PPCDC: variants seen among roughly 807,000 people sequenced by gnomAD.
PPCDC encodes the protein phosphopantothenoylcysteine decarboxylase.
PPCDC carries 20 observed loss-of-function variants against 20.7 expected under a neutral mutation model. That is an observed-to-expected ratio of 0.97 (90% CI 0.68 to 1.41). The LOEUF is 1.41. Among genes scored for constraint, PPCDC ranks in the 40% most tolerant of loss-of-function variants. The pLI, the probability that PPCDC is intolerant of heterozygous loss-of-function variation, is 0.00. For missense variants in PPCDC, 246 were observed against 263.8 expected (o/e 0.93, Z 0.47); for synonymous variants, 88 against 100.3 (o/e 0.88, Z 0.73).
intron 2 of PPCDC, among the ~76,000 whole-genome samples, chr15:75,032,352 G>A (rs540068199): frequency 6.6e-6 from 1 of 152,300 alleles, no homozygotes; most frequent in East Asian, 1.9e-4. Context: ...TCTGTCGAGG[G>A]TGAGGAAAAG....
At chr15:75,042,479 C>T (rs1211851530) in intron 2 of PPCDC, among the ~76,000 whole-genome samples, 1 of 151,904 alleles carries the variant, frequency 6.6e-6, no homozygotes, top group Non-Finnish European at 1.5e-5. Flanking sequence ...GGTGAAAAAC[C>T]TCGTCTCTAC....
intron 2 of PPCDC, among the ~76,000 whole-genome samples, chr15:75,035,260 C>T (rs1477388157): frequency 6.6e-6 from 1 of 152,102 alleles, no homozygotes; most frequent in East Asian, 1.9e-4. Flanking sequence ...TTTTGGTTGT[C>T]CTAACTTAGG....
intron 2 of PPCDC, among the ~76,000 whole-genome samples, chr15:75,028,742 C>T (rs761467061): frequency 2.0e-5 from 3 of 152,048 alleles, no homozygotes; most frequent in Non-Finnish European, 2.9e-5. Flanking sequence ...CCTGAGAATC[C>T]GTGAAGTCCT....
chr15:75,047,309 G>C lies in PPCDC; in HGVS notation c.361-1244G>C, dbSNP rs533025932. On this transcript the variant is annotated intron_variant, in intron 4 of 5. Transcript: ENST00000342932. ...CCACTCATAGCCCGGCTGCCGTATT[G>C]AGAGGGCTTGGTGGGAAACTAATGC... is the stretch of plus-strand genomic sequence containing the variant. Among the ~76,000 whole-genome samples the C allele has an allele frequency of 3.3e-5, 5 of 152,348 alleles. No homozygotes were observed. The South Asian group carries it at 1.0e-3, about 32-fold the overall frequency.
chr15:75,048,437 G>A (rs2066267353), intron 4 of PPCDC, 116 bp from the exon 5 acceptor site: 1 of 1,390,780 alleles, frequency 7.2e-7, no homozygotes, highest in African/African-American at 1.4e-5. Context: ...CTGCAGGCAG[G>A]CTGTGCCCAG....
In PPCDC at chr15:75,028,407, C is replaced by T. The variant is rs1336930767; in HGVS notation, c.89C>T (p.Ala30Val). ...GTGGGTGTCACGGGGAGTGTCGCAG[C>T]CCTGAAGTTGCCTCTTCTGGTGTCA... is the stretch of plus-strand genomic sequence containing the variant. ...VLVGVTGSVA[A>V]LKLPLLVSKL... Residue 30 changes from alanine (A) to valine (V), a missense_variant, in exon 2 of 6, where the codon GCC (alanine) becomes GTC (valine). Around this residue, in one of 2 missense-constraint regions of PPCDC, gnomAD observed 225 missense variants for 222.6 expected, o/e 1.01. Transcript: ENST00000342932. The T allele has an allele frequency of 1.9e-6, 3 of 1,614,238 alleles. No individual in the cohort carries two copies.
At chr15:75,036,166 G>T (rs1338904056) in intron 2 of PPCDC, among the ~76,000 whole-genome samples, 1 of 152,106 alleles carries the variant, frequency 6.6e-6, no homozygotes, top group Non-Finnish European at 1.5e-5. Context: ...CCCTGCCAGG[G>T]CTCCTTGGCA....
chr15:75,040,910 T>C (rs531648184), intron 2 of PPCDC, among the ~76,000 whole-genome samples: 15 of 152,330 alleles, frequency 9.8e-5, no homozygotes, highest in African/African-American at 3.1e-4. Flanking sequence ...GCAGTCTGCC[T>C]GTCTCGGCCT....
intron 2 of PPCDC, among the ~76,000 whole-genome samples, chr15:75,034,979 A>C (rs1007753386): frequency 3.9e-5 from 6 of 152,100 alleles, no homozygotes; most frequent in African/African-American, 1.4e-4. Flanking sequence ...CGATAAATGT[A>C]AATTTGAATG....
Position 75,028,417 on chromosome 15 carries a change from G to T in PPCDC, c.99G>T (p.Leu33Phe). The T allele has an allele frequency of 6.2e-7, 1 of 1,614,222 alleles. No homozygotes were observed. The highest frequency in any genetic ancestry group is 1.3e-5 in the African/African-American group (1 of 75,050). The part of the protein sequence containing the change: ...GVTGSVAALK[L>F]PLLVSKLLDI... The stretch of plus-strand genomic sequence containing the variant: ...CGGGGAGTGTCGCAGCCCTGAAGTT[G>T]CCTCTTCTGGTGTCAAAGCTTTTGG... The change falls in exon 2 of 6, where the codon TTG (leucine) becomes TTT (phenylalanine). Residue 33 changes from leucine (L) to phenylalanine (F), a missense_variant. Coordinates refer to ENST00000342932, the MANE Select transcript of PPCDC (RefSeq NM_021823.5).
Position 75,049,351 on chromosome 15 carries a change from C to A in PPCDC, c.*116C>A. The A allele has an allele frequency of 1.0e-6, 1 of 980,622 alleles. No individual in the cohort carries two copies. The highest frequency in any genetic ancestry group is 1.6e-6 in the Non-Finnish European group (1 of 645,118). 60.7% of individuals were successfully genotyped at this position (980,622 alleles called of 1,614,324 possible). A position where few individuals can be genotyped will look rare whatever the true frequency, so the allele number is the denominator to read the frequency against. ...CCTCATTTGCTGAATGGGGGACCTGCTCTGAGCCTGCCCAGGGGCCAGGCC... is the reference window on the plus strand; with the variant it reads ...CCTCATTTGCTGAATGGGGGACCTGATCTGAGCCTGCCCAGGGGCCAGGCC... On this transcript the variant is annotated 3_prime_UTR_variant, in exon 6 of 6. Coordinates refer to ENST00000342932, the MANE Select transcript of PPCDC (RefSeq NM_021823.5).
rs938212716 is a variant in PPCDC at position 75,044,249 on chromosome 15, G to C, written c.232-137G>C. The C allele has an allele frequency of 1.3e-4, 170 of 1,261,890 alleles. 1 individual carries two copies. The highest frequency in any genetic ancestry group is 1.3e-4 in the Non-Finnish European group (116 of 903,666). 78.2% of individuals were successfully genotyped at this position (1,261,890 alleles called of 1,614,324 possible). On this transcript the variant is annotated intron_variant, in intron 3 of 5. Transcript: ENST00000342932. ...TCCATGGCTAGCGCTCGCCAGCTTA[G>C]CTGCAGGAGGGAACGGAGGTTGGCC... is the stretch of plus-strand genomic sequence containing the variant.
At chr15:75,039,068 T>A (rs1032533071) in intron 2 of PPCDC, among the ~76,000 whole-genome samples, 2 of 152,042 alleles carry the variant, frequency 1.3e-5, no homozygotes, top group African/African-American at 4.8e-5. Flanking sequence ...TTCTATTTTC[T>A]GTTTGTTTGT....
Position 75,026,046 on chromosome 15 carries a change from A to G in PPCDC, c.-72-2201A>G, listed in dbSNP as rs1039166694. Among the ~76,000 whole-genome samples, 3 of 152,296 alleles carry G rather than the reference A, an allele frequency of 2.0e-5. No homozygotes were observed. The South Asian group carries it at 6.2e-4, about 32-fold the overall frequency. On this transcript the variant is annotated intron_variant, in intron 1 of 5. Transcript: ENST00000342932. Reference sequence around the variant, plus strand: ...CGGACTATAGTGCCTGCTGTGGGGAAGCAGTTGAAGTCACTAATACAGATT... The same window carrying G: ...CGGACTATAGTGCCTGCTGTGGGGAGGCAGTTGAAGTCACTAATACAGATT...
intron 5 of PPCDC, 98 bp downstream of exon 5, chr15:75,048,819 A>G (rs1199706567): frequency 1.3e-5 from 18 of 1,401,024 alleles, no homozygotes; most frequent in Non-Finnish European, 1.6e-5. Context: ...TGACCTTAGC[A>G]AACCATTCTC....
intron 2 of PPCDC, among the ~76,000 whole-genome samples, chr15:75,030,458 G>A (rs1296941648): frequency 6.6e-6 from 1 of 152,252 alleles, no homozygotes; most frequent in African/African-American, 2.4e-5. Context: ...CTGCTCTTGT[G>A]GAGGGCCCAT....
At chr15:75,035,963 CAAAAAAA>C (rs11306068) in intron 2 of PPCDC, among the ~76,000 whole-genome samples, 2 of 105,118 alleles carry the variant, frequency 1.9e-5, no homozygotes, top group Non-Finnish European at 3.9e-5. Context: ...GACTGTGTCT[CAAAAAAA>C]AAAAAAAAAA....
chr15:75,031,667 G>A (rs1407372230), intron 2 of PPCDC, among the ~76,000 whole-genome samples: 3 of 152,154 alleles, frequency 2.0e-5, no homozygotes, highest in Admixed American at 6.5e-5. Context: ...TCATGCCACT[G>A]CACTCCAGTC....
chr15:75,044,300 T>G, intron 3 of PPCDC, 86 bp from the exon 4 acceptor site: 1 of 1,564,388 alleles, frequency 6.4e-7, no homozygotes, highest in South Asian at 1.1e-5. Flanking sequence ...AGTGGGTTCC[T>G]CAGTCTCCTG....
Sources: allele counts gnomAD v4.1 joint callset (sites outside exome capture counted in the v4.1 genomes callset), GRCh38; gene constraint gnomAD v4.1.1; regional missense constraint gnomAD v4.1.1; transcripts MANE v1.5; gene names NCBI Gene and HGNC (gene_info 2026-07-23, HGNC 2026-07-21).